The following CNTLN variants were observed in gnomAD, a reference collection of about 807,000 sequenced individuals.
The protein encoded by CNTLN is centlein, centrosomal protein.
A neutral mutation model predicts 180.0 loss-of-function variants in CNTLN; 212 were observed. The observed-to-expected ratio is 1.18, with a 90% CI of 1.05 to 1.32. The LOEUF (loss-of-function observed/expected upper bound fraction) is 1.32, where lower values mean the gene tolerates loss of function less well. CNTLN is among the 40% of genes most tolerant of loss of function. The pLI, the probability that CNTLN is intolerant of heterozygous loss-of-function variation, is 0.00. For missense variants in CNTLN, 2,095 were observed against 1,610.9 expected, an observed-to-expected ratio of 1.30 and a Z score of -5.14; for synonymous variants, 722 against 563.1, an observed-to-expected ratio of 1.28 and a Z score of -3.99.
At chr9:17,294,050 C>A (rs955998092) in intron 6 of CNTLN, among the ~76,000 whole-genome samples, 1 of 152,162 alleles carries the variant, frequency 6.6e-6, no homozygotes, top group African/African-American at 2.4e-5. Flanking sequence ...GAGTTTGTTC[C>A]TTCTGATGTT....
chr9:17,309,024 T>A (rs1563981946), intron 7 of CNTLN, 34 bp from the exon 8 acceptor site: 1 of 1,377,934 alleles, frequency 7.3e-7, no homozygotes. Flanking sequence ...TTTTATTGAT[T>A]ATTAATATAA....
intron 2 of CNTLN, among the ~76,000 whole-genome samples, chr9:17,196,563 C>T (rs1822145719): frequency 6.6e-6 from 1 of 151,858 alleles, no homozygotes; most frequent in African/African-American, 2.4e-5. Flanking sequence ...TTATTTTTAA[C>T]CACTGAAGAC....
At chr9:17,200,747 G>C (rs950041149) in intron 2 of CNTLN, among the ~76,000 whole-genome samples, 1 of 152,062 alleles carries the variant, frequency 6.6e-6, no homozygotes, top group Non-Finnish European at 1.5e-5. Flanking sequence ...TGAGCTGATG[G>C]GGTTTTCTAA....
chr9:17,429,749 T>G (rs1020591805), intron 18 of CNTLN, among the ~76,000 whole-genome samples: 3 of 152,046 alleles, frequency 2.0e-5, no homozygotes, highest in Admixed American at 2.0e-4. Context: ...TAGAGTCATC[T>G]CTCTCTAATC....
chr9:17,215,914 G>A (rs1007950509), intron 2 of CNTLN, among the ~76,000 whole-genome samples: 1 of 152,152 alleles, frequency 6.6e-6, no homozygotes, highest in African/African-American at 2.4e-5. Context: ...CGCAGTATTA[G>A]GGTGGGAGTG....
At chr9:17,512,698 C>A in the CNTLN span, among the ~76,000 whole-genome samples, 1 of 152,344 alleles carries the variant, frequency 6.6e-6, no homozygotes, top group East Asian at 1.9e-4. Flanking sequence ...TGTATTTTCA[C>A]AGCATATTCA....
intron 5 of CNTLN, among the ~76,000 whole-genome samples, chr9:17,267,856 C>T (rs554248245): frequency 2.6e-5 from 4 of 152,290 alleles, no homozygotes; most frequent in East Asian, 3.9e-4. Context: ...CTGCAGTCCA[C>T]GTAGCTCTTG....
chr9:17,485,728 T>C (rs571248385), intron 24 of CNTLN, among the ~76,000 whole-genome samples: 2 of 152,276 alleles, frequency 1.3e-5, no homozygotes, highest in East Asian at 3.9e-4. Context: ...TGTGTTTACA[T>C]GTACATGATG....
chr9:17,180,245 C>T (rs773763713), intron 2 of CNTLN, among the ~76,000 whole-genome samples: 23 of 145,522 alleles, frequency 1.6e-4, no homozygotes, highest in African/African-American at 4.0e-4. Context: ...TTTTTCCTGC[C>T]TTCCTGTTGG....
intron 3 of CNTLN, among the ~76,000 whole-genome samples, chr9:17,234,051 A>T (rs569442644): frequency 2.6e-4 from 39 of 152,254 alleles, no homozygotes; most frequent in African/African-American, 8.9e-4. Context: ...TTATTTTTTT[A>T]AAAAATTATT....
At position 17,248,902 on chromosome 9, in the gene CNTLN, ATAGT is replaced by A. The variant is rs774348165; in HGVS notation, c.849+12317_849+12320del. ...ATCTTATAATCATTTTTATTTCTTT[ATAGT>A]TAATCATAGTGTTCTCATGTCATTT... On this transcript the variant is annotated intron_variant, in intron 5 of 25. Coordinates refer to ENST00000380647, the MANE Select transcript of CNTLN (RefSeq NM_017738.4). Among the ~76,000 whole-genome samples, 10 of 152,030 alleles carry A rather than the reference ATAGT, an allele frequency of 6.6e-5. No homozygotes were observed. In the South Asian group the frequency reaches 1.2e-3, roughly 19 times the overall value.
At chr9:17,300,221 C>T (rs968654243) in intron 7 of CNTLN, 9 of 152,268 alleles carry the variant, frequency 5.9e-5, no homozygotes, top group South Asian at 2.1e-4. Context: ...CTCCAATGAG[C>T]ATTTCCTTTG....
intron 5 of CNTLN, among the ~76,000 whole-genome samples, chr9:17,266,629 A>C (rs1383749830): frequency 2.0e-5 from 3 of 151,998 alleles, no homozygotes; most frequent in Non-Finnish European, 4.4e-5. Flanking sequence ...TTTAGTGTTG[A>C]CGGTGGGATG....
At chr9:17,163,955 G>A (rs112548020) in intron 2 of CNTLN, among the ~76,000 whole-genome samples, 2,820 of 151,854 alleles carry the variant, frequency 0.019, 37 homozygotes, top group Non-Finnish European at 0.026. Flanking sequence ...GGAAGTGTAG[G>A]TTGCAGTGAG....
At chr9:17,360,852 T>C (rs1354050283) in intron 12 of CNTLN, among the ~76,000 whole-genome samples, 1 of 152,248 alleles carries the variant, frequency 6.6e-6, no homozygotes, top group Non-Finnish European at 1.5e-5. Flanking sequence ...GGTCTTATCT[T>C]GTTGAATGTT....
At position 17,480,995 on chromosome 9, in the gene CNTLN, C is replaced by G. The variant is rs1236154743; in HGVS notation, c.3856-3300C>G. 2.6e-5 allele frequency among the ~76,000 whole-genome samples: 4 copies of G among 152,216 alleles called. No homozygotes were observed. The East Asian group carries it at 7.7e-4, about 29-fold the overall frequency. ...CTAGACAGGGAGCCAAGCTGACAAT[C>G]TTGCCAGAGCACAGCCTCTGGCCCT... On this transcript the variant is annotated intron_variant, in intron 23 of 25. Transcript: ENST00000380647.
intron 12 of CNTLN, among the ~76,000 whole-genome samples, chr9:17,355,854 A>C (rs1490805015): frequency 2.0e-5 from 3 of 151,712 alleles, no homozygotes; most frequent in Non-Finnish European, 1.5e-5. Context: ...CACGAGGTTA[A>C]GAGATCGAGA....
Position 17,431,459 on chromosome 9 carries a change from G to T in CNTLN, c.3114+15270G>T, listed in dbSNP as rs573403772. ...ATTGTTATTAATCCCTTTTCAGATG[G>T]ATACTTTGCAAATATTTTTTCTCAT... On this transcript the variant is annotated intron_variant, in intron 18 of 25. Coordinates refer to ENST00000380647, the MANE Select transcript of CNTLN (RefSeq NM_017738.4). 1.3e-4 allele frequency among the ~76,000 whole-genome samples: 20 copies of T among 152,042 alleles called. 1 individual carries two copies. The highest frequency in any genetic ancestry group is 4.3e-4 in the African/African-American group (18 of 41,484).
At chr9:17,373,585 C>G (rs1055492261) in intron 13 of CNTLN, among the ~76,000 whole-genome samples, 4 of 151,942 alleles carry the variant, frequency 2.6e-5, no homozygotes, top group African/African-American at 4.8e-5. Flanking sequence ...AATGCAAGCC[C>G]TATAAAAATA....
Sources: gnomAD v4.1 joint callset for allele counts (sites outside exome capture counted in the v4.1 genomes callset) on GRCh38, gnomAD v4.1.1 for gene constraint, MANE v1.5 for transcripts, NCBI Gene and HGNC (gene_info 2026-07-23, HGNC 2026-07-21) for gene names.